CKAP5: variants seen among roughly 807,000 people sequenced by gnomAD.
CKAP5 encodes the protein cytoskeleton-associated protein 5.
A neutral mutation model predicts 232.8 loss-of-function variants in CKAP5; 27 were observed. The observed-to-expected ratio is 0.12, with a 90% confidence interval of 0.09 to 0.16. The LOEUF (loss-of-function observed/expected upper bound fraction) is 0.16, where lower values mean the gene tolerates loss of function less well. Among genes scored for constraint, CKAP5 ranks in the 10% least tolerant of loss-of-function variants. CKAP5 has a pLI of 1.00. For missense variants in CKAP5, 1,838 were observed against 2,424.7 expected (o/e 0.76, Z 5.08); for synonymous variants, 785 against 841.1 (o/e 0.93, Z 1.16).
At chr11:46,790,412 C>T in intron 14 of CKAP5, 58 bp downstream of exon 14, 1 of 1,238,088 alleles carries the variant, frequency 8.1e-7, no homozygotes, top group Non-Finnish European at 1.2e-6. Context: ...CTCCAGTCTT[C>T]TCATTGGTCT....
intron 9 of CKAP5, among the ~76,000 whole-genome samples, chr11:46,800,556 A>G (rs1939002986): frequency 1.3e-5 from 2 of 152,226 alleles, no homozygotes. Flanking sequence ...GCCAAAGGAC[A>G]GATGCCACAG....
chr11:46,828,114 A>G (rs1262582590), intron 1 of CKAP5, among the ~76,000 whole-genome samples: 2 of 152,170 alleles, frequency 1.3e-5, no homozygotes, highest in Admixed American at 6.5e-5. Flanking sequence ...CCTATCCACA[A>G]CAGGAATAAA....
chr11:46,821,339 A>G (rs1229710633), intron 1 of CKAP5, 71 bp from the exon 2 acceptor site: 3 of 655,240 alleles, frequency 4.6e-6, no homozygotes, highest in Admixed American at 2.7e-5. Flanking sequence ...CTTTTCTGAG[A>G]TTATTATTTT....
intron 16 of CKAP5, among the ~76,000 whole-genome samples, chr11:46,785,360 C>G (rs1267416321): frequency 6.6e-6 from 1 of 152,154 alleles, no homozygotes; most frequent in Non-Finnish European, 1.5e-5. Context: ...GAATCTTGTT[C>G]TGTCACCCAG....
chr11:46,757,751 C>G (rs1233001287), intron 35 of CKAP5, among the ~76,000 whole-genome samples: 1 of 151,418 alleles, frequency 6.6e-6, no homozygotes, highest in Non-Finnish European at 1.5e-5. Flanking sequence ...CCATGCCCAG[C>G]TAATTTTTGT....
In CKAP5 at chr11:46,790,470, C is replaced by T; in HGVS notation, c.1764G>A (p.Ser588=). ...TCAGGCTCAGTGTGTTAATACTGAC[C>T]GAGAGCTCAGGCTCCACTATTTCTT... The part of the protein sequence containing the change: ...ETKEIVEPEL[S]IEVCEEKASA... The change falls in exon 14 of 44, where the codon TCG becomes TCA. Residue 588 remains serine, a splice_region_variant and synonymous_variant. Transcript: ENST00000529230. 1 of 1,606,072 alleles carries T rather than the reference C, an allele frequency of 6.2e-7. No individual in the cohort carries two copies. The highest frequency in any genetic ancestry group is 8.5e-7 in the Non-Finnish European group (1 of 1,173,092).
chr11:46,789,254 G>A (rs1236140330), intron 15 of CKAP5, among the ~76,000 whole-genome samples: 1 of 152,154 alleles, frequency 6.6e-6, no homozygotes, highest in Non-Finnish European at 1.5e-5. Flanking sequence ...TGCCATAAGT[G>A]ACAGTGCTCT....
chr11:46,748,976 C>T (rs868494677), intron 42 of CKAP5, among the ~76,000 whole-genome samples: 93 of 151,398 alleles, frequency 6.1e-4, no homozygotes, highest in African/African-American at 2.0e-3. Flanking sequence ...GGACTACAGG[C>T]GCACGCCACC....
chr11:46,750,066 G>A (rs1259073975), intron 42 of CKAP5, among the ~76,000 whole-genome samples: 1 of 152,146 alleles, frequency 6.6e-6, no homozygotes, highest in Admixed American at 6.5e-5. Flanking sequence ...TCAAGGGCAG[G>A]GAACAATTTA....
In CKAP5 at chr11:46,762,155, C is replaced by T; in HGVS notation, c.4066G>A (p.Gly1356Ser). 1.2e-6 allele frequency: 2 copies of T among 1,613,992 alleles called. No individual in the cohort carries two copies. Among genetic ancestry groups the T allele is most frequent in the Non-Finnish European group, 1.7e-6 (2 of 1,179,970 alleles). Residue 1356 changes from glycine (G) to serine (S), a missense_variant, in exon 32 of 44, where the codon GGC (glycine) becomes AGC (serine). Physicochemically the swap from Gly to Ser is moderately conservative, Grantham distance 56. Coordinates refer to ENST00000529230, the MANE Select transcript of CKAP5 (RefSeq NM_001008938.4). ...GGGGTTGGTTGGCAAACATTCATGCCATAGGACTCAACCAGACATCCCAGC... is the reference window on the plus strand; with the variant it reads ...GGGGTTGGTTGGCAAACATTCATGCTATAGGACTCAACCAGACATCCCAGC... ...EELGCLVESYGMNVCQPTPGK... is the reference protein window; with the variant it reads ...EELGCLVESYSMNVCQPTPGK...
rs145136172 is a variant in CKAP5, at chr11:46,838,415, T to C, written c.-38+7805A>G. On this transcript the variant is annotated intron_variant, in intron 1 of 43. Coordinates refer to ENST00000529230, the MANE Select transcript of CKAP5 (RefSeq NM_001008938.4). ...CACTTTGGATGCTGGAGCGAGAGGA[T>C]TGTTTGAGGCCAGGAGTTCAAGACC... 5.3e-5 allele frequency among the ~76,000 whole-genome samples: 8 copies of C among 151,600 alleles called. No individual in the cohort carries two copies. The East Asian group carries it at 1.2e-3, about 22-fold the overall frequency.
At chr11:46,821,421 CTTTTTTTTTTT>C (rs369366613) in intron 1 of CKAP5, among the ~76,000 whole-genome samples, 153 bp from the exon 2 acceptor site, 12 of 105,188 alleles carry the variant, frequency 1.1e-4, no homozygotes, top group Admixed American at 3.9e-4. Flanking sequence ...ATTAACAGGA[CTTTTTTTTTTT>C]TTTTTTTTTT....
chr11:46,798,289 C>CA, intron 9 of CKAP5, 117 bp from the exon 10 acceptor site: 1 of 772,666 alleles, frequency 1.3e-6, no homozygotes, highest in Non-Finnish European at 2.1e-6. Flanking sequence ...AAAAGCCAGT[C>CA]ACAGGCTGGG....
intron 24 of CKAP5, among the ~76,000 whole-genome samples, chr11:46,771,830 G>A (rs1009126581): frequency 6.6e-5 from 10 of 152,092 alleles, no homozygotes; most frequent in Admixed American, 5.9e-4. Flanking sequence ...GTAACTGCAC[G>A]TTTAGTTTTA....
intron 20 of CKAP5, among the ~76,000 whole-genome samples, chr11:46,779,305 G>T (rs1423069388): frequency 6.6e-6 from 1 of 152,000 alleles, no homozygotes; most frequent in East Asian, 1.9e-4. Flanking sequence ...GCTGACTTTT[G>T]TATTTTTAGT....
chr11:46,842,836 G>A (rs538221406), intron 1 of CKAP5, among the ~76,000 whole-genome samples: 2 of 151,844 alleles, frequency 1.3e-5, no homozygotes, highest in South Asian at 2.1e-4. Context: ...GCTTGGTAGC[G>A]GGCGCCTGTA....
At chr11:46,835,339 T>C (rs539463231) in intron 1 of CKAP5, among the ~76,000 whole-genome samples, 2 of 151,954 alleles carry the variant, frequency 1.3e-5, no homozygotes, top group African/African-American at 4.8e-5. Flanking sequence ...GACGGCAGAG[T>C]ATCCAGATCT....
intron 8 of CKAP5, among the ~76,000 whole-genome samples, chr11:46,804,739 A>AG (rs1435557540): frequency 1.3e-5 from 2 of 151,970 alleles, no homozygotes; most frequent in Non-Finnish European, 2.9e-5. Context: ...GCAATAATTA[A>AG]GGGGGGAAAA....
chr11:46,840,567 A>G (rs773256869), intron 1 of CKAP5, among the ~76,000 whole-genome samples: 5 of 152,210 alleles, frequency 3.3e-5, no homozygotes, highest in Non-Finnish European at 7.3e-5. Flanking sequence ...AACAGTGTTC[A>G]TAATATTAAG....
Sources: gnomAD v4.1 joint callset for allele counts (sites outside exome capture counted in the v4.1 genomes callset) on GRCh38, gnomAD v4.1.1 for gene constraint, MANE v1.5 for transcripts, NCBI Gene and HGNC (gene_info 2026-07-23, HGNC 2026-07-21) for gene names.